Variants in DNER observed in about 807,000 individuals in gnomAD.
The protein encoded by DNER is delta and Notch-like epidermal growth factor-related receptor.
A neutral mutation model predicts 78.2 loss-of-function variants in DNER; 33 were observed. That is an observed-to-expected ratio of 0.42 (90% confidence interval 0.32 to 0.56). The LOEUF is 0.56. DNER is among the 20% of genes least tolerant of loss of function. The probability of loss-of-function intolerance (pLI) is 0.11; values close to 1 mark genes in which losing one functional copy is unlikely to be tolerated. For missense variants in DNER, 918 were observed against 975.3 expected, an observed-to-expected ratio of 0.94 and a Z score of 0.78; for synonymous variants, 417 against 384.8, an observed-to-expected ratio of 1.08 and a Z score of -0.98.
intron 1 of DNER, among the ~76,000 whole-genome samples, chr2:229,669,481 T>C (rs1699171135): frequency 1.3e-5 from 2 of 152,102 alleles, no homozygotes; most frequent in South Asian, 2.1e-4. Context: ...GGGGACAGCA[T>C]TGAATCTGTA....
chr2:229,418,285 CG>C (rs1279069930), intron 8 of DNER, 55 bp from the exon 9 acceptor site: 1 of 1,608,558 alleles, frequency 6.2e-7, no homozygotes, highest in Non-Finnish European at 8.5e-7. Flanking sequence ...ACAACCCACG[CG>C]GGACCAGCCT....
intron 1 of DNER, among the ~76,000 whole-genome samples, chr2:229,602,012 AC>A (rs1475232860): frequency 6.7e-6 from 1 of 149,140 alleles, no homozygotes; most frequent in Non-Finnish European, 1.5e-5. Flanking sequence ...TTTTTTTTTC[AC>A]TTTTAATCAT....
At chr2:229,554,172 AG>A (rs1316192257) in intron 4 of DNER, among the ~76,000 whole-genome samples, 3 of 152,260 alleles carry the variant, frequency 2.0e-5, no homozygotes, top group African/African-American at 4.8e-5. Context: ...TTAATGTCCC[AG>A]GGAGCATCTG....
chr2:229,714,217 G>A lies in DNER; in HGVS notation c.207C>T (p.His69=), dbSNP rs577320876. ...AGCCAGGCTCGCCGGCGGGGGCCGGGTGCTGCGGGTCCGGCTCAGGGCGCG... is the reference window on the plus strand; with the variant it reads ...AGCCAGGCTCGCCGGCGGGGGCCGGATGCTGCGGGTCCGGCTCAGGGCGCG... ...CTSRPEPDPQ[H]PAPAGEPGYS... is the part of the protein sequence containing the mutation. The change falls in exon 1 of 13, where the codon CAC becomes CAT. Residue 69 remains histidine, a synonymous_variant. Transcript: ENST00000341772. 35 of 1,394,008 alleles carry A rather than the reference G, an allele frequency of 2.5e-5. No individual in the cohort carries two copies. In the African/African-American group the frequency reaches 4.4e-4, roughly 17 times the overall value. 86.4% of individuals were successfully genotyped at this position (1,394,008 alleles called of 1,614,324 possible). A position where few individuals can be genotyped will look rare whatever the true frequency, so the allele number is the denominator to read the frequency against.
At chr2:229,576,401 T>C (rs1293650637) in intron 4 of DNER, among the ~76,000 whole-genome samples, 1 of 151,928 alleles carries the variant, frequency 6.6e-6, no homozygotes, top group Non-Finnish European at 1.5e-5. Flanking sequence ...GAATGAGGAT[T>C]TAAATGTCAC....
chr2:229,358,765 T>C, intron 12 of DNER, 114 bp from the exon 13 acceptor site: 1 of 828,670 alleles, frequency 1.2e-6, no homozygotes. Flanking sequence ...TAAAAACATA[T>C]TCTATAGCAA....
intron 8 of DNER, among the ~76,000 whole-genome samples, chr2:229,426,542 G>T (rs1268775762): frequency 2.6e-5 from 4 of 151,904 alleles, no homozygotes; most frequent in African/African-American, 9.7e-5. Context: ...ACTCACTGGT[G>T]GTCATAGAGC....
At chr2:229,563,440 C>A (rs1697008213) in intron 4 of DNER, among the ~76,000 whole-genome samples, 1 of 149,116 alleles carries the variant, frequency 6.7e-6, no homozygotes. Context: ...CTCACCCCAT[C>A]ACCATCATCA....
At chr2:229,472,937 G>A (rs1249802916) in intron 7 of DNER, among the ~76,000 whole-genome samples, 1 of 152,206 alleles carries the variant, frequency 6.6e-6, no homozygotes, top group African/African-American at 2.4e-5. Flanking sequence ...GCGCAGCTAT[G>A]AAGGTGACTG....
At chr2:229,642,049 T>C (rs905900501) in intron 1 of DNER, among the ~76,000 whole-genome samples, 2 of 152,180 alleles carry the variant, frequency 1.3e-5, no homozygotes, top group Non-Finnish European at 2.9e-5. Context: ...AGTGAAGAAA[T>C]ATGATTATAA....
At chr2:229,573,270 A>G (rs1372123735) in intron 4 of DNER, among the ~76,000 whole-genome samples, 1 of 152,250 alleles carries the variant, frequency 6.6e-6, no homozygotes. Context: ...ATGCACGTGA[A>G]TACCAAAAAT....
chr2:229,413,175 G>C lies in DNER; in HGVS notation c.1609+4933C>G, dbSNP rs139638010. Among the ~76,000 whole-genome samples, 6 of 151,888 alleles carry C rather than the reference G, an allele frequency of 4.0e-5. No homozygotes were observed. The East Asian group carries it at 7.7e-4, about 20-fold the overall frequency. On this transcript the variant is annotated intron_variant, in intron 9 of 12. Coordinates refer to ENST00000341772, the MANE Select transcript of DNER (RefSeq NM_139072.4). ...TCTTACATTATTATTATAGACAATG[G>C]TTTCTGGGCCATTCTTCAGTTTTGG... is the stretch of plus-strand genomic sequence containing the variant.
At chr2:229,563,706 T>G (rs1276716380) in intron 4 of DNER, among the ~76,000 whole-genome samples, 1 of 134,888 alleles carries the variant, frequency 7.4e-6, no homozygotes, top group Non-Finnish European at 1.6e-5. Context: ...ATCATCATCC[T>G]CCTCACCCCA....
chr2:229,397,685 G>A (rs756901848), intron 10 of DNER, among the ~76,000 whole-genome samples: 35 of 151,906 alleles, frequency 2.3e-4, no homozygotes, highest in Admixed American at 1.5e-3. Flanking sequence ...TTCTCTCACC[G>A]TAATTAAATC....
chr2:229,487,814 T>G (rs12464732), intron 6 of DNER, among the ~76,000 whole-genome samples: 1 of 152,098 alleles, frequency 6.6e-6, no homozygotes, highest in African/African-American at 2.4e-5. Flanking sequence ...CACATTCCCA[T>G]GAAACAGCAT....
intron 1 of DNER, among the ~76,000 whole-genome samples, chr2:229,663,143 C>T (rs1699036091): frequency 6.6e-6 from 1 of 152,098 alleles, no homozygotes; most frequent in Admixed American, 6.6e-5. Context: ...TAGCTTTGAT[C>T]TAGGAAAAAT....
chr2:229,682,599 G>A (rs1276890761), intron 1 of DNER, among the ~76,000 whole-genome samples: 2 of 152,208 alleles, frequency 1.3e-5, no homozygotes, highest in East Asian at 3.8e-4. Context: ...TGTAATCCCA[G>A]CACTTTGGGA....
At chr2:229,475,576 A>C (rs1412344101) in intron 7 of DNER, among the ~76,000 whole-genome samples, 2 of 152,332 alleles carry the variant, frequency 1.3e-5, no homozygotes, top group South Asian at 2.1e-4. Context: ...CCTTAGCATT[A>C]TATCCTAGCT....
chr2:229,585,516 C>T (rs1035068389), intron 4 of DNER, among the ~76,000 whole-genome samples: 1 of 151,862 alleles, frequency 6.6e-6, no homozygotes, highest in African/African-American at 2.4e-5. Context: ...CAAAATGAGC[C>T]GAGCATGATG....
Sources: allele counts gnomAD v4.1 joint callset (sites outside exome capture counted in the v4.1 genomes callset), GRCh38; gene constraint gnomAD v4.1.1; transcripts MANE v1.5; gene names NCBI Gene and HGNC (gene_info 2026-07-23, HGNC 2026-07-21).